Variants in FRMPD3 observed in about 807,000 individuals in gnomAD.
FRMPD3 encodes the protein FERM and PDZ domain containing 3, also known as FERM and PDZ domain-containing protein 3.
FRMPD3 carries 42 observed loss-of-function variants against 97.9 expected under a neutral mutation model. The ratio of observed to expected loss-of-function variants is 0.43; its 90% CI spans 0.34 to 0.55. FRMPD3 has a LOEUF of 0.55. FRMPD3 is among the 20% of genes least tolerant of loss of function. FRMPD3 has a pLI of 0.03. For missense variants in FRMPD3, 1,303 were observed against 1,457.7 expected, an observed-to-expected ratio of 0.89 and a Z score of 1.73; for synonymous variants, 577 against 581.1, an observed-to-expected ratio of 0.99 and a Z score of 0.10.
At chrX:107,583,267 T>G (rs1463654295) in intron 13 of FRMPD3, among the ~76,000 whole-genome samples, 1 of 109,274 alleles carries the variant, frequency 9.2e-6, no homozygotes, top group Non-Finnish European at 1.9e-5. Flanking sequence ...GGCCCAGGTG[T>G]GTGTTGTTAC....
chrX:107,523,054 C>A (rs1357843039), intron 1 of FRMPD3, among the ~76,000 whole-genome samples: 1 of 111,257 alleles, frequency 9.0e-6, no homozygotes, highest in Non-Finnish European at 1.9e-5. Flanking sequence ...GTCATGTGAC[C>A]CATGGACAGC....
rs142117923 is a variant in FRMPD3, at chrX:107,521,900, A to G, written c.-7-4682A>G. On this transcript the variant is annotated intron_variant, in intron 1 of 14. Coordinates refer to ENST00000683843, the MANE Select transcript of FRMPD3 (RefSeq NM_001388459.1). ...CATTTCCATCTTCCTGCATGAGAGCACAAGTAGGGAGAGCATCAGCTTAGA... is the reference window on the plus strand; with the variant it reads ...CATTTCCATCTTCCTGCATGAGAGCGCAAGTAGGGAGAGCATCAGCTTAGA... Among the ~76,000 whole-genome samples, 663 of 112,724 alleles carry G rather than the reference A, an allele frequency of 5.9e-3. 5 individuals carry two copies. The highest frequency in any genetic ancestry group is 0.02 in the African/African-American group (614 of 31,136).
chrX:107,454,615 C>G (rs1016874028), intron 1 of FRMPD3, among the ~76,000 whole-genome samples: 1 of 111,663 alleles, frequency 9.0e-6, no homozygotes, highest in South Asian at 3.8e-4. Context: ...CCTTTCCAGT[C>G]CATAATACAC....
intron 13 of FRMPD3, among the ~76,000 whole-genome samples, chrX:107,587,100 C>T (rs1165284820): frequency 9.0e-6 from 1 of 111,718 alleles, no homozygotes; most frequent in Non-Finnish European, 1.9e-5. Context: ...CTTCGTAGGT[C>T]TCTAAGAACT....
At chrX:107,536,591 T>A (rs974182208) in intron 4 of FRMPD3, among the ~76,000 whole-genome samples, 1 of 111,620 alleles carries the variant, frequency 9.0e-6, no homozygotes, top group African/African-American at 3.3e-5. Flanking sequence ...TTGGGTTGTT[T>A]CCAGTTTTGA....
intron 1 of FRMPD3, among the ~76,000 whole-genome samples, chrX:107,514,285 G>A (rs1264640406): frequency 9.0e-6 from 1 of 111,529 alleles, no homozygotes; most frequent in Non-Finnish European, 1.9e-5. Context: ...GATATTATTC[G>A]CTTGCAGTAG....
intron 1 of FRMPD3, among the ~76,000 whole-genome samples, chrX:107,520,818 C>A (rs981238725): frequency 1.8e-5 from 2 of 112,129 alleles, no homozygotes; most frequent in South Asian, 7.5e-4. Flanking sequence ...ATCTCTCTTC[C>A]CAAATCTCAG....
Position 107,525,520 on chromosome X carries a change from C to T in FRMPD3, c.-7-1062C>T, listed in dbSNP as rs867404486. The T allele has an allele frequency of 1.2e-4, 63 of 538,970 alleles. 1 individual carries two copies. Among genetic ancestry groups the T allele is most frequent in the South Asian group, 7.9e-4 (33 of 41,688 alleles). 44.4% of individuals were successfully genotyped at this position (538,970 alleles called of 1,213,427 possible). A position where few individuals can be genotyped will look rare whatever the true frequency, so the allele number is the denominator to read the frequency against. ...CTTTAGTTACTTAAGTTGTGGAAAT[C>T]GGGAGAACAATGTGTAATCTCTCCC... On this transcript the variant is annotated intron_variant, in intron 1 of 14. Transcript: ENST00000683843.
At chrX:107,564,349 T>A (rs1389858190) in intron 11 of FRMPD3, among the ~76,000 whole-genome samples, 1 of 112,740 alleles carries the variant, frequency 8.9e-6, no homozygotes, top group East Asian at 2.8e-4. Flanking sequence ...CGAGGGAGGC[T>A]GCCATGAAGT....
chrX:107,543,928 G>A (rs926458247), intron 4 of FRMPD3, among the ~76,000 whole-genome samples: 4 of 110,946 alleles, frequency 3.6e-5, no homozygotes, highest in East Asian at 2.8e-4. Context: ...TCCCATGTTC[G>A]TGGCAGCACT....
rs748101606 is a variant in FRMPD3 at position 107,603,208 on chromosome X, A to G, written c.5169A>G (p.Gln1723=). The G allele has an allele frequency of 6.0e-5, 70 of 1,168,380 alleles. No homozygotes were observed. The highest frequency in any genetic ancestry group is 1.3e-4 in the South Asian group (7 of 52,927). ...RNLNQQQQQQ[Q]QQQQQQQQQQ... ...TTAACCAGCAGCAGCAGCAACAACA[A>G]CAGCAGCAGCAGCAACAACAACAGC... is the stretch of plus-strand genomic sequence containing the variant. The change falls in exon 15 of 15, where the codon CAA becomes CAG. Residue 1723 remains glutamine, a synonymous_variant. Transcript: ENST00000683843.
chrX:107,552,368 A>T (rs1043536438), intron 6 of FRMPD3, among the ~76,000 whole-genome samples: 15 of 112,542 alleles, frequency 1.3e-4, no homozygotes, highest in African/African-American at 4.8e-4. Flanking sequence ...GCTTTTGTTC[A>T]TTCCTAAGAG....
At chrX:107,454,977 TCTA>T (rs1158640787) in intron 1 of FRMPD3, among the ~76,000 whole-genome samples, 4 of 111,810 alleles carry the variant, frequency 3.6e-5, no homozygotes, top group Non-Finnish European at 7.5e-5. Context: ...ATACACTTGA[TCTA>T]CTTGTGAAAC....
chrX:107,529,366 C>T (rs1922832833), intron 2 of FRMPD3, among the ~76,000 whole-genome samples: 1 of 110,846 alleles, frequency 9.0e-6, no homozygotes. Flanking sequence ...GGGTGAATCA[C>T]CTGAGGTCAA....
chrX:107,578,741 C>T (rs773028953), intron 13 of FRMPD3, among the ~76,000 whole-genome samples: 9 of 111,493 alleles, frequency 8.1e-5, no homozygotes, highest in Non-Finnish European at 1.5e-4. Flanking sequence ...GGCATCATCT[C>T]CCTAGGTACA....
rs1053884712 is a variant in FRMPD3, at chrX:107,602,736, G to C, written c.4697G>C (p.Arg1566Pro). 1.7e-6 allele frequency: 2 copies of C among 1,209,623 alleles called. No individual in the cohort carries two copies. The highest frequency in any genetic ancestry group is 3.5e-5 in the South Asian group (2 of 56,917). ...TCCCGCACTCAGGAGATTGACCTCCGTGTGTCCACCTTCGAGGGGAGCCTG... is the reference window on the plus strand; with the variant it reads ...TCCCGCACTCAGGAGATTGACCTCCCTGTGTCCACCTTCGAGGGGAGCCTG... ...EASRTQEIDLRVSTFEGSLAK... is the reference protein window; with the variant it reads ...EASRTQEIDLPVSTFEGSLAK... The change falls in exon 15 of 15, where the codon CGT becomes CCT. Residue 1566 changes from arginine (R) to proline (P), a missense_variant. Physicochemically the swap from Arg to Pro is moderately radical, Grantham distance 103. Transcript: ENST00000683843.
At chrX:107,485,130 CCAATTTAGT>C (rs1158357905) in intron 1 of FRMPD3, among the ~76,000 whole-genome samples, 4 of 112,709 alleles carry the variant, frequency 3.5e-5, no homozygotes, top group Non-Finnish European at 7.5e-5. Context: ...AAAGAATGTT[CCAATTTAGT>C]CACGCCAGTG....
rs1923072751 is a variant in FRMPD3, at chrX:107,533,497, C to T, written c.252-8C>T. On this transcript the variant is annotated splice_region_variant and splice_polypyrimidine_tract_variant and intron_variant, in intron 3 of 14. Coordinates refer to ENST00000683843, the MANE Select transcript of FRMPD3 (RefSeq NM_001388459.1). Reference sequence around the variant, plus strand: ...ACACTACTCTCCTATTCCCTCTTTTCTCTGTAGGAGCGCTAAGGAATTCAT... The same window carrying T: ...ACACTACTCTCCTATTCCCTCTTTTTTCTGTAGGAGCGCTAAGGAATTCAT... The T allele has an allele frequency of 8.3e-7, 1 of 1,203,446 alleles. No homozygotes were observed. The highest frequency in any genetic ancestry group is 2.2e-5 in the Admixed American group (1 of 45,586).
intron 1 of FRMPD3, among the ~76,000 whole-genome samples, chrX:107,507,507 C>T (rs757895939): frequency 2.7e-5 from 3 of 111,191 alleles, no homozygotes; most frequent in Non-Finnish European, 3.8e-5. Flanking sequence ...CGGAAGTGTC[C>T]GGGACTTCTA....
Sources: gnomAD v4.1 joint callset for allele counts (sites outside exome capture counted in the v4.1 genomes callset) on GRCh38, gnomAD v4.1.1 for gene constraint, MANE v1.5 for transcripts, NCBI Gene and HGNC (gene_info 2026-07-23, HGNC 2026-07-21) for gene names.